The following UGGT2 variants were observed in gnomAD, a reference collection of about 807,000 sequenced individuals.
UGGT2 encodes UDP-glucose:glycoprotein glucosyltransferase 2.
Under a neutral mutation model 192.1 loss-of-function variants are expected in UGGT2, and 180 were observed. The ratio of observed to expected loss-of-function variants is 0.94; its 90% CI spans 0.83 to 1.06. The LOEUF (loss-of-function observed/expected upper bound fraction) is 1.06, where lower values mean the gene tolerates loss of function less well. UGGT2 is among the 50% of genes least tolerant of loss of function. UGGT2 has a pLI of 0.00. For synonymous variants in UGGT2, 580 were observed against 591.0 expected (o/e 0.98, Z 0.27); for missense variants, 1,849 against 1,795.7 (o/e 1.03, Z -0.54).
At chr13:95,825,540 C>A (rs930159784) in intron 38 of UGGT2, among the ~76,000 whole-genome samples, 3 of 152,144 alleles carry the variant, frequency 2.0e-5, no homozygotes, top group African/African-American at 7.2e-5. Context: ...GTGACTGCCT[C>A]TTGTGCAAGC....
chr13:95,885,490 CAGAG>C (rs1177091044), intron 26 of UGGT2, among the ~76,000 whole-genome samples: 2 of 152,186 alleles, frequency 1.3e-5, no homozygotes, highest in African/African-American at 2.4e-5. Flanking sequence ...AGAAGAGCCA[CAGAG>C]AGAGAATGTC....
Position 95,997,236 on chromosome 13 carries a change from T to C in UGGT2, c.758-1101A>G, listed in dbSNP as rs2051652351. On this transcript the variant is annotated intron_variant, in intron 6 of 38. Coordinates refer to ENST00000376747, the MANE Select transcript of UGGT2 (RefSeq NM_020121.4). ...CCAAGAACAACAGAGACACAAAAAA[T>C]ACAGACCATGAACTTTTCTAAAAGA... is the stretch of plus-strand genomic sequence containing the variant. Among the ~76,000 whole-genome samples the C allele has an allele frequency of 2.0e-5, 3 of 151,986 alleles. No individual in the cohort carries two copies. In the South Asian group the frequency reaches 6.3e-4, roughly 32 times the overall value.
chr13:95,850,562 G>C (rs1454679443), intron 36 of UGGT2, among the ~76,000 whole-genome samples: 1 of 152,244 alleles, frequency 6.6e-6, no homozygotes, highest in African/African-American at 2.4e-5. Flanking sequence ...CATGAATGGA[G>C]TAGACATGCT....
chr13:95,854,188 A>G, intron 35 of UGGT2, 127 bp downstream of exon 35: 1 of 954,648 alleles, frequency 1.0e-6, no homozygotes, highest in East Asian at 2.6e-5. Flanking sequence ...GCATGAAATG[A>G]ACACTATGTA....
At chr13:95,892,986 T>C (rs1439868265) in intron 24 of UGGT2, among the ~76,000 whole-genome samples, 1 of 152,172 alleles carries the variant, frequency 6.6e-6, no homozygotes. Flanking sequence ...TTTGCCTTTG[T>C]CTAAGATGTT....
At chr13:95,997,665 T>C (rs2051668466) in intron 6 of UGGT2, among the ~76,000 whole-genome samples, 1 of 151,736 alleles carries the variant, frequency 6.6e-6, no homozygotes, top group Non-Finnish European at 1.5e-5. Flanking sequence ...GAAAAAGATG[T>C]GAAGTCTTTA....
intron 12 of UGGT2, among the ~76,000 whole-genome samples, chr13:95,957,010 A>C (rs1333847942): frequency 6.6e-6 from 1 of 152,236 alleles, no homozygotes; most frequent in East Asian, 1.9e-4. Context: ...AAGGAACAAA[A>C]TTCTGATACA....
chr13:96,038,950 C>T (rs2053086010), intron 1 of UGGT2, among the ~76,000 whole-genome samples: 1 of 152,112 alleles, frequency 6.6e-6, no homozygotes, highest in Non-Finnish European at 1.5e-5. Context: ...TCTCCCCTGT[C>T]CACCTGTGAA....
chr13:95,932,821 A>C (rs916223735), intron 17 of UGGT2, among the ~76,000 whole-genome samples: 3 of 152,022 alleles, frequency 2.0e-5, no homozygotes, highest in Non-Finnish European at 4.4e-5. Context: ...TTATTGAATA[A>C]TTTTTCAGCA....
In UGGT2 at chr13:95,832,069, G is replaced by A. The variant is rs1233805322; in HGVS notation, c.4528+858C>T. Reference sequence around the variant, plus strand: ...AACTTTTTTTTTTTTTTAAAGTCAAGATGAAACAATTTCACGTTTATATGA... The same window carrying A: ...AACTTTTTTTTTTTTTTAAAGTCAAAATGAAACAATTTCACGTTTATATGA... On this transcript the variant is annotated intron_variant, in intron 38 of 38. Transcript: ENST00000376747. Among the ~76,000 whole-genome samples, 3 of 144,664 alleles carry A rather than the reference G, an allele frequency of 2.1e-5. No homozygotes were observed. The East Asian group carries it at 6.1e-4, about 29-fold the overall frequency. 94.9% of individuals were successfully genotyped at this position (144,664 alleles called of 152,430 possible).
intron 5 of UGGT2, among the ~76,000 whole-genome samples, chr13:95,999,879 GC>G (rs2051744196): frequency 6.6e-6 from 1 of 152,132 alleles, no homozygotes. Flanking sequence ...GCAATAAGGG[GC>G]TACAGTTCAC....
rs192721930 is a variant in UGGT2 at position 95,984,507 on chromosome 13, T to C, written c.1032-643A>G. Among the ~76,000 whole-genome samples, 14 of 152,148 alleles carry C rather than the reference T, an allele frequency of 9.2e-5. No individual in the cohort carries two copies. The East Asian group carries it at 2.1e-3, about 23-fold the overall frequency. On this transcript the variant is annotated intron_variant, in intron 9 of 38. Transcript: ENST00000376747. ...CCACATCCAGCTAATTTTTCAATTT[T>C]CTTCTAGAGATGGAGTCTTCCTATG...
intron 1 of UGGT2, among the ~76,000 whole-genome samples, chr13:96,041,487 TCTC>T (rs2053162556): frequency 6.6e-6 from 1 of 151,956 alleles, no homozygotes; most frequent in South Asian, 2.1e-4. Context: ...GAACAAGAAA[TCTC>T]CTGGCCAGAA....
At chr13:95,806,693 CAT>C (rs1029377954) in intron 38 of UGGT2, among the ~76,000 whole-genome samples, 9 of 152,004 alleles carry the variant, frequency 5.9e-5, no homozygotes, top group African/African-American at 1.9e-4. Flanking sequence ...TAAGAAGAGA[CAT>C]ATAGACTAAA....
intron 37 of UGGT2, among the ~76,000 whole-genome samples, 187 bp downstream of exon 37, chr13:95,836,899 C>T (rs530922749): frequency 2.8e-4 from 42 of 152,300 alleles, no homozygotes; most frequent in African/African-American, 8.9e-4. Context: ...ATCATCAAAC[C>T]TCAGGGTGGT....
At chr13:95,969,997 A>G (rs2050718712) in intron 12 of UGGT2, 115 bp downstream of exon 12, 1 of 1,099,552 alleles carries the variant, frequency 9.1e-7, no homozygotes, top group Non-Finnish European at 1.3e-6. Context: ...TTCTCTTTTC[A>G]CTGAGAACTG....
chr13:96,012,040 C>A (rs2052177335), intron 5 of UGGT2, among the ~76,000 whole-genome samples: 1 of 151,970 alleles, frequency 6.6e-6, no homozygotes, highest in African/African-American at 2.4e-5. Context: ...CAGAGTTGAA[C>A]TACCAGATAT....
chr13:95,942,240 G>A (rs1324451104), intron 15 of UGGT2, among the ~76,000 whole-genome samples: 1 of 143,404 alleles, frequency 7.0e-6, no homozygotes, highest in Admixed American at 6.8e-5. Flanking sequence ...GTGTGTGTGT[G>A]TGTGTGTGTG....
Position 96,053,141 on chromosome 13 carries a change from C to T in UGGT2, c.158+14G>A. The T allele has an allele frequency of 6.7e-7, 1 of 1,488,374 alleles. No homozygotes were observed. The highest frequency in any genetic ancestry group is 8.9e-7 in the Non-Finnish European group (1 of 1,121,990). 92.2% of individuals were successfully genotyped at this position (1,488,374 alleles called of 1,614,324 possible). On this transcript the variant is annotated intron_variant, in intron 1 of 38. Transcript: ENST00000376747. ...GCCCACACCCGCCCGGACGAGGGCC[C>T]GGCCCGCACCCACCTTGCCTCCAGC... is the stretch of plus-strand genomic sequence containing the variant.
Sources: gnomAD v4.1 joint callset for allele counts (sites outside exome capture counted in the v4.1 genomes callset) on GRCh38, gnomAD v4.1.1 for gene constraint, MANE v1.5 for transcripts, NCBI Gene and HGNC (gene_info 2026-07-23, HGNC 2026-07-21) for gene names.